The following GJC2 variants were observed in gnomAD, a reference collection of about 807,000 sequenced individuals.
GJC2 encodes the protein gap junction gamma-2 protein.
For synonymous variants in GJC2, 336 were observed against 307.5 expected, an observed-to-expected ratio of 1.09 and a Z score of -0.97; for missense variants, 647 against 648.9, an observed-to-expected ratio of 1.00 and a Z score of 0.03.
In GJC2 at chr1:228,151,597, G is replaced by T. The variant is rs910143817; in HGVS notation, c.-20+1590G>T. 6.6e-6 allele frequency among the ~76,000 whole-genome samples: 1 copy of T among 152,186 alleles called. No individual in the cohort carries two copies. On this transcript the variant is annotated intron_variant, in intron 1 of 1. Coordinates refer to ENST00000366714, the MANE Select transcript of GJC2 (RefSeq NM_020435.4). The surrounding 1 kb of genome is among the most constrained non-coding windows in gnomAD (Gnocchi z 5.4). ...ATGTGGCAGTGTGCACTGCTTGTGT[G>T]TGGGGGGGTGGAGGGAGGAGCGTGC...
intron 1 of GJC2, among the ~76,000 whole-genome samples, chr1:228,157,377 G>A (rs921310338): frequency 6.6e-6 from 1 of 152,114 alleles, no homozygotes; most frequent in Non-Finnish European, 1.5e-5. Flanking sequence ...GCAGGCTGGG[G>A]AGACCCTTTG....
At position 228,151,129 on chromosome 1, in the gene GJC2, T is replaced by TGCAGGAGGGGCCCACG. The variant is rs928292492; in HGVS notation, c.-20+1123_-20+1138dup. ...TGAGGGAGGGAACTCAAGAACAGGC[T>TGCAGGAGGGGCCCACG]GCAGGAGGGGCCCACGCATTCACAG... On this transcript the variant is annotated intron_variant, in intron 1 of 1. Coordinates refer to ENST00000366714, the MANE Select transcript of GJC2 (RefSeq NM_020435.4). This position sits in a 1 kb window ranked among gnomAD's most constrained non-coding sequence, Gnocchi z 5.4. Among the ~76,000 whole-genome samples, 7 of 152,032 alleles carry TGCAGGAGGGGCCCACG rather than the reference T, an allele frequency of 4.6e-5. No homozygotes were observed. The highest frequency in any genetic ancestry group is 1.7e-4 in the African/African-American group (7 of 41,388).
chr1:228,159,295 G>A lies in GJC2; in HGVS notation c.*217G>A. ...CCAAGGTGGGGTGGAGAGAGGCCTA[G>A]GAGCCAGAAAGGGCCCTCTGCTGTG... On this transcript the variant is annotated 3_prime_UTR_variant, in exon 2 of 2. Transcript: ENST00000366714. This position sits in a 1 kb window ranked among gnomAD's most constrained non-coding sequence, Gnocchi z 4.0. 1.6e-6 allele frequency: 1 copy of A among 606,316 alleles called. No individual in the cohort carries two copies. Among genetic ancestry groups the A allele is most frequent in the Non-Finnish European group, 3.0e-6 (1 of 337,518 alleles). The allele number at this position is 606,316 out of a possible 1,614,324, so 37.6% of individuals were successfully genotyped here.
rs745978138 is a variant in GJC2 at position 228,159,016 on chromosome 1, A to G, written c.1258A>G (p.Arg420Gly). 2.2e-4 allele frequency: 349 copies of G among 1,608,184 alleles called. No individual in the cohort carries two copies. The highest frequency in any genetic ancestry group is 2.7e-4 in the Non-Finnish European group (320 of 1,178,936). Residue 420 changes from arginine to glycine, a missense_variant, in exon 2 of 2, where the codon AGG becomes GGG. Physicochemically the swap from Arg to Gly is moderately radical, Grantham distance 125. Coordinates refer to ENST00000366714, the MANE Select transcript of GJC2 (RefSeq NM_020435.4). This position sits in a 1 kb window ranked among gnomAD's most constrained non-coding sequence, Gnocchi z 4.0. ...CCACGAGCGGCCAGGAGCCAAGCCC[A>G]GGGCTGGCTCCGAGAAGGGCAGTGC... ...GTHERPGAKP[R>G]AGSEKGSASS...
chr1:228,158,958 G>A lies in GJC2; in HGVS notation c.1200G>A (p.Ala400=), dbSNP rs766730286. 13 of 1,581,550 alleles carry A rather than the reference G, an allele frequency of 8.2e-6. No individual in the cohort carries two copies. The highest frequency in any genetic ancestry group is 1.1e-5 in the South Asian group (1 of 88,578). Residue 400 remains alanine, a synonymous_variant, in exon 2 of 2, where the codon GCG becomes GCA. Coordinates refer to ENST00000366714, the MANE Select transcript of GJC2 (RefSeq NM_020435.4). This position sits in a 1 kb window ranked among gnomAD's most constrained non-coding sequence, Gnocchi z 8.3. ...PASRTGSATS[A]GTVGEQGRPG... ...CCCGGACGGGCAGTGCTACCTCTGCGGGCACTGTCGGGGAGCAGGGCCGGC... is the reference window on the plus strand; with the variant it reads ...CCCGGACGGGCAGTGCTACCTCTGCAGGCACTGTCGGGGAGCAGGGCCGGC...
At chr1:228,156,955 C>T (rs930556706) in intron 1 of GJC2, among the ~76,000 whole-genome samples, 11 of 152,246 alleles carry the variant, frequency 7.2e-5, no homozygotes, top group South Asian at 4.1e-4. Context: ...CCCTCCTGGA[C>T]GGACGACTGG....
intron 1 of GJC2, among the ~76,000 whole-genome samples, chr1:228,155,599 G>A (rs1205823423): frequency 6.6e-6 from 1 of 152,134 alleles, no homozygotes; most frequent in Non-Finnish European, 1.5e-5. Context: ...AGAATTACAG[G>A]CTGGAGGTGT....
In GJC2 at chr1:228,150,903, G is replaced by A. The variant is rs536274459; in HGVS notation, c.-20+896G>A. ...CCCCTCACTCCCAGTATGGATACCC[G>A]CCAGGGCTCGGTTTCTGGAGGGTGT... On this transcript the variant is annotated intron_variant, in intron 1 of 1. Transcript: ENST00000366714. The surrounding 1 kb of genome is among the most constrained non-coding windows in gnomAD (Gnocchi z 4.6). Among the ~76,000 whole-genome samples the A allele has an allele frequency of 2.0e-5, 3 of 152,012 alleles. No homozygotes were observed. The highest frequency in any genetic ancestry group is 2.1e-4 in the South Asian group (1 of 4,828).
chr1:228,158,774 C>T lies in GJC2; in HGVS notation c.1016C>T (p.Ala339Val). The change falls in exon 2 of 2, where the codon GCG becomes GTG. Residue 339 changes from alanine to valine, a missense_variant. By Grantham distance (64) the Ala-to-Val change is moderately conservative (BLOSUM62 0). Transcript: ENST00000366714. This position sits in a 1 kb window ranked among gnomAD's most constrained non-coding sequence, Gnocchi z 8.3. ...CPPDYSLVVR[A>V]AERARAHDQN... Reference sequence around the variant, plus strand: ...CCCGACTACAGCCTGGTGGTGCGGGCGGCCGAGCGCGCTCGGGCGCATGAC... The same window carrying T: ...CCCGACTACAGCCTGGTGGTGCGGGTGGCCGAGCGCGCTCGGGCGCATGAC... 2 of 1,403,952 alleles carry T rather than the reference C, an allele frequency of 1.4e-6. No homozygotes were observed. Among genetic ancestry groups the T allele is most frequent in the East Asian group, 3.5e-5 (1 of 28,358 alleles). The allele number at this position is 1,403,952 out of a possible 1,614,324, so 87.0% of individuals were successfully genotyped here.
In GJC2 at chr1:228,158,930, C is replaced by T. The variant is rs1259715513; in HGVS notation, c.1172C>T (p.Ala391Val). 1.3e-6 allele frequency: 2 copies of T among 1,525,282 alleles called. No individual in the cohort carries two copies. The highest frequency in any genetic ancestry group is 1.8e-6 in the Non-Finnish European group (2 of 1,141,676). 94.5% of individuals were successfully genotyped at this position (1,525,282 alleles called of 1,614,324 possible). A position where few individuals can be genotyped will look rare whatever the true frequency, so the allele number is the denominator to read the frequency against. The change falls in exon 2 of 2, where the codon GCG becomes GTG. Residue 391 changes from alanine to valine, a missense_variant. By Grantham distance (64) the Ala-to-Val change is moderately conservative. Coordinates refer to ENST00000366714, the MANE Select transcript of GJC2 (RefSeq NM_020435.4). The surrounding 1 kb of genome is among the most constrained non-coding windows in gnomAD (Gnocchi z 8.3). ...SRGPPRAGAP[A>V]SRTGSATSAG... ...GGGCCCCCCAGAGCAGGCGCCCCCG[C>T]GTCCCGGACGGGCAGTGCTACCTCT...
In GJC2 at chr1:228,158,298, G is replaced by T; in HGVS notation, c.540G>T (p.Lys180Asn). Residue 180 changes from lysine (K) to asparagine (N), a missense_variant, in exon 2 of 2, where the codon AAG becomes AAT. Lys to Asn is a moderately conservative substitution (Grantham distance 94). Transcript: ENST00000366714. The surrounding 1 kb of genome is among the most constrained non-coding windows in gnomAD (Gnocchi z 8.3). ...CAGGCGCGGAGGAGGCGTGCACTAA[G>T]GCGGTCGGCGCTGACGGCAAGGCGG... Reference protein sequence around the residue: ...EEAGAEEACTKAVGADGKAAG... With the variant: ...EEAGAEEACTNAVGADGKAAG... 6.5e-7 allele frequency: 1 copy of T among 1,540,408 alleles called. No homozygotes were observed.
Position 228,159,193 on chromosome 1 carries a change from C to A in GJC2, c.*115C>A. ...AGCCGGTGGCCTCAGGCAGACTCTG[C>A]CCAGAGGGGCAGCCAGGCTGCTCAG... On this transcript the variant is annotated 3_prime_UTR_variant, in exon 2 of 2. Transcript: ENST00000366714. The surrounding 1 kb of genome is among the most constrained non-coding windows in gnomAD (Gnocchi z 4.0). 8.2e-7 allele frequency: 1 copy of A among 1,223,398 alleles called. No individual in the cohort carries two copies. The highest frequency in any genetic ancestry group is 1.4e-5 in the South Asian group (1 of 71,742). 75.8% of individuals were successfully genotyped at this position (1,223,398 alleles called of 1,614,324 possible).
At position 228,159,573 on chromosome 1, in the gene GJC2, G is replaced by A. The variant is rs568003041; in HGVS notation, c.*495G>A. 8 of 180,452 alleles carry A rather than the reference G, an allele frequency of 4.4e-5. No homozygotes were observed. The highest frequency in any genetic ancestry group is 2.8e-4 in the Admixed American group (5 of 17,566). The allele number at this position is 180,452 out of a possible 1,614,324, so 11.2% of individuals were successfully genotyped here. A position where few individuals can be genotyped will look rare whatever the true frequency, so the allele number is the denominator to read the frequency against. On this transcript the variant is annotated 3_prime_UTR_variant, in exon 2 of 2. Transcript: ENST00000366714. The surrounding 1 kb of genome is among the most constrained non-coding windows in gnomAD (Gnocchi z 4.0). ...GAGACAGACTGGGAGCTGGGAGCCT[G>A]GGGTGGACAGGACCATACCCTCTTT... is the stretch of plus-strand genomic sequence containing the variant.
chr1:228,155,095 G>A (rs1453653137), intron 1 of GJC2, among the ~76,000 whole-genome samples: 1 of 152,218 alleles, frequency 6.6e-6, no homozygotes, highest in Non-Finnish European at 1.5e-5. Flanking sequence ...CTCCAGCTGT[G>A]ATCGTCATCA....
Position 228,157,738 on chromosome 1 carries a change from A to AGGGGGGGGGGGGGGGGGGGGGGGG in GJC2, c.-19_-18insGGGGGGGGGGGGGGGGGGGGGGGG. 27 of 660,970 alleles carry AGGGGGGGGGGGGGGGGGGGGGGGG rather than the reference A, an allele frequency of 4.1e-5. 2 individuals carry two copies. Among genetic ancestry groups the AGGGGGGGGGGGGGGGGGGGGGGGG allele is most frequent in the Non-Finnish European group, 5.8e-5 (21 of 363,806 alleles). 40.9% of individuals were successfully genotyped at this position (660,970 alleles called of 1,614,324 possible). ...CTGGCTGACCCCTACCCCGCCCCAC[A>AGGGGGGGGGGGGGGGGGGGGGGGG]GGACCCGCCCGCCCGCCCCTATGAC... On this transcript the variant is annotated splice_acceptor_variant, in intron 1 of 1. Coordinates refer to ENST00000366714, the MANE Select transcript of GJC2 (RefSeq NM_020435.4). LOFTEE classifies it low-confidence loss of function (5UTR_SPLICE).
Position 228,158,181 on chromosome 1 carries a change from G to T in GJC2, c.423G>T (p.Leu141=), listed in dbSNP as rs1277104384. The change falls in exon 2 of 2, where the codon CTG becomes CTT. Residue 141 remains leucine (L), a synonymous_variant. Coordinates refer to ENST00000366714, the MANE Select transcript of GJC2 (RefSeq NM_020435.4). This position sits in a 1 kb window ranked among gnomAD's most constrained non-coding sequence, Gnocchi z 8.3. ...CCGGCTGGCCTGAGCCCGCCGACCT[G>T]GGCGAGGAGGAGCCCATGCTGGGCC... ...PHAGWPEPAD[L]GEEEPMLGLG... 6.2e-6 allele frequency: 9 copies of T among 1,443,126 alleles called. No individual in the cohort carries two copies. Among genetic ancestry groups the T allele is most frequent in the African/African-American group, 1.4e-5 (1 of 69,036 alleles). 89.4% of individuals were successfully genotyped at this position (1,443,126 alleles called of 1,614,324 possible). A position where few individuals can be genotyped will look rare whatever the true frequency, so the allele number is the denominator to read the frequency against.
chr1:228,157,494 G>C (rs952890400), intron 1 of GJC2, among the ~76,000 whole-genome samples: 11 of 152,148 alleles, frequency 7.2e-5, no homozygotes, highest in Admixed American at 2.0e-4. Context: ...CCACACACTT[G>C]AGTGGTGCTT....
Position 228,158,158 on chromosome 1 carries a change from G to T in GJC2, c.400G>T (p.Gly134Cys). 7.4e-6 allele frequency: 10 copies of T among 1,354,510 alleles called. No individual in the cohort carries two copies. The highest frequency in any genetic ancestry group is 8.5e-6 in the Non-Finnish European group (9 of 1,057,818). The allele number at this position is 1,354,510 out of a possible 1,614,324, so 83.9% of individuals were successfully genotyped here. The change falls in exon 2 of 2, where the codon GGC becomes TGC. Residue 134 changes from glycine to cysteine, a missense_variant. Coordinates refer to ENST00000366714, the MANE Select transcript of GJC2 (RefSeq NM_020435.4). The surrounding 1 kb of genome is among the most constrained non-coding windows in gnomAD (Gnocchi z 8.3). ...AGCGCACCTGCCGCCCCCGCACGCC[G>T]GCTGGCCTGAGCCCGCCGACCTGGG... is the stretch of plus-strand genomic sequence containing the variant. ...PRAHLPPPHA[G>C]WPEPADLGEE...
intron 1 of GJC2, among the ~76,000 whole-genome samples, chr1:228,156,362 CGTGTACATGT>C (rs2034679637): frequency 6.6e-6 from 1 of 152,176 alleles, no homozygotes; most frequent in Non-Finnish European, 1.5e-5. Flanking sequence ...TGAGCATGCA[CGTGTACATGT>C]GTATGCATGT....
Sources: allele counts gnomAD v4.1 joint callset (sites outside exome capture counted in the v4.1 genomes callset), GRCh38; gene constraint gnomAD v4.1.1; non-coding constraint Gnocchi (gnomAD v3.1); transcripts MANE v1.5; gene names NCBI Gene and HGNC (gene_info 2026-07-23, HGNC 2026-07-21).